Variants in PAPOLA observed in about 807,000 individuals in gnomAD.
PAPOLA encodes polynucleotide adenylyltransferase alpha.
In PAPOLA, 15 loss-of-function variants were observed where a neutral mutation model predicts 100.6. That is an observed-to-expected ratio of 0.15 (90% confidence interval 0.10 to 0.23). PAPOLA has a LOEUF of 0.23. Among genes scored for constraint, PAPOLA ranks in the 10% least tolerant of loss-of-function variants. The pLI is 1.00. For missense variants in PAPOLA, 533 were observed against 884.2 expected, an observed-to-expected ratio of 0.60 and a Z score of 5.04; for synonymous variants, 293 against 300.0, an observed-to-expected ratio of 0.98 and a Z score of 0.24.
intron 15 of PAPOLA, 126 bp downstream of exon 15, chr14:96,544,384 A>T: frequency 1.7e-6 from 1 of 600,588 alleles, no homozygotes; most frequent in East Asian, 2.8e-5. Flanking sequence ...TATCATCAGA[A>T]TAATGGTTTT....
At chr14:96,538,600 G>T (rs1275199359) in intron 12 of PAPOLA, among the ~76,000 whole-genome samples, 1 of 151,926 alleles carries the variant, frequency 6.6e-6, no homozygotes, top group Non-Finnish European at 1.5e-5. Flanking sequence ...ATTACATCAG[G>T]AAAATTTGCA....
Position 96,555,850 on chromosome 14 carries a change from A to C in PAPOLA, c.1668A>C (p.Arg556Ser). The C allele has an allele frequency of 6.6e-7, 1 of 1,513,766 alleles. No individual in the cohort carries two copies. The highest frequency in any genetic ancestry group is 8.9e-7 in the Non-Finnish European group (1 of 1,120,870). 93.8% of individuals were successfully genotyped at this position (1,513,766 alleles called of 1,614,324 possible). Residue 556 changes from arginine to serine, a missense_variant, in exon 18 of 22, where the codon AGA (arginine) becomes AGC (serine). Around this residue, in one of 9 missense-constraint regions of PAPOLA, gnomAD observed 242 missense variants for 281.0 expected, o/e 0.86. Coordinates refer to ENST00000216277, the MANE Select transcript of PAPOLA (RefSeq NM_032632.5). ...TTTTTAATTTTTTTTTTTTTAGCAG[A>C]AACAGTCCTGCTCCAGCTGTAACAG... The part of the protein sequence containing the change: ...PLNSSGSSQG[R>S]NSPAPAVTAA...
Position 96,547,783 on chromosome 14 carries a change from T to G in PAPOLA, c.1400-14T>G. 2 of 1,575,140 alleles carry G rather than the reference T, an allele frequency of 1.3e-6. No individual in the cohort carries two copies. Among genetic ancestry groups the G allele is most frequent in the Non-Finnish European group, 1.7e-6 (2 of 1,161,628 alleles). On this transcript the variant is annotated splice_polypyrimidine_tract_variant and intron_variant, in intron 15 of 21. Transcript: ENST00000216277. The stretch of plus-strand genomic sequence containing the variant: ...AATGTTTCTATTTCTTGTAACAATT[T>G]CCTAATTGTATAGTTTATAGGCAAG...
intron 12 of PAPOLA, among the ~76,000 whole-genome samples, chr14:96,540,554 A>AT (rs1428118250): frequency 2.0e-5 from 3 of 151,930 alleles, no homozygotes; most frequent in Admixed American, 2.0e-4. Flanking sequence ...AAAATACATG[A>AT]TTTTTTAATG....
At chr14:96,549,094 A>G (rs1309063079) in intron 16 of PAPOLA, among the ~76,000 whole-genome samples, 2 of 152,166 alleles carry the variant, frequency 1.3e-5, no homozygotes, top group African/African-American at 2.4e-5. Context: ...ACATAAATAC[A>G]TGTAAATGGT....
chr14:96,529,976 T>C (rs557111169), intron 6 of PAPOLA, among the ~76,000 whole-genome samples: 14 of 152,320 alleles, frequency 9.2e-5, no homozygotes, highest in Non-Finnish European at 1.8e-4. Context: ...TAAAACTCAG[T>C]TGGAAAAACA....
intron 10 of PAPOLA, chr14:96,535,257 C>T: frequency 7.5e-6 from 7 of 933,438 alleles, no homozygotes; most frequent in Non-Finnish European, 8.9e-6. Context: ...TGTTGAATTA[C>T]ATCAAGCTAT....
In PAPOLA at chr14:96,561,549, A is replaced by G. The variant is rs148853521; in HGVS notation, c.2067+838A>G. On this transcript the variant is annotated intron_variant, in intron 20 of 21. Transcript: ENST00000216277. Reference sequence around the variant, plus strand: ...TTAAGGCTATGATTATTTTTATCCAACCAATTTCCTATCCATAGCAATTAT... The same window carrying G: ...TTAAGGCTATGATTATTTTTATCCAGCCAATTTCCTATCCATAGCAATTAT... 7.2e-5 allele frequency among the ~76,000 whole-genome samples: 11 copies of G among 152,282 alleles called. No individual in the cohort carries two copies. The East Asian group carries it at 2.1e-3, about 29-fold the overall frequency.
At position 96,537,075 on chromosome 14, in the gene PAPOLA, G is replaced by C. The variant is rs1301752912; in HGVS notation, c.1115+15G>C. 7 of 1,419,434 alleles carry C rather than the reference G, an allele frequency of 4.9e-6. No homozygotes were observed. The East Asian group carries it at 9.1e-5, about 18-fold the overall frequency. 87.9% of individuals were successfully genotyped at this position (1,419,434 alleles called of 1,614,324 possible). On this transcript the variant is annotated intron_variant, in intron 12 of 21. Transcript: ENST00000216277. ...CAAAAGTACAAGTATGTATTTTAAG[G>C]CATGTCGGACATGTTGCTCTCTTAA...
At chr14:96,509,676 C>A (rs1010014617) in intron 1 of PAPOLA, among the ~76,000 whole-genome samples, 3 of 152,150 alleles carry the variant, frequency 2.0e-5, no homozygotes, top group South Asian at 4.1e-4. Context: ...AGGCTATAAA[C>A]CTGTGGCAGC....
At chr14:96,559,607 A>T (rs887303300) in intron 19 of PAPOLA, among the ~76,000 whole-genome samples, 24 of 147,562 alleles carry the variant, frequency 1.6e-4, no homozygotes, top group African/African-American at 5.7e-4. Context: ...ACACACACAC[A>T]TATATATATG....
chr14:96,510,022 A>G (rs1157647423), intron 1 of PAPOLA, among the ~76,000 whole-genome samples: 2 of 137,782 alleles, frequency 1.5e-5, no homozygotes, highest in Non-Finnish European at 3.0e-5. Context: ...TGAACTGTAT[A>G]GCAATCTCAT....
At chr14:96,541,236 CT>C (rs1389887197) in intron 12 of PAPOLA, among the ~76,000 whole-genome samples, 1 of 152,178 alleles carries the variant, frequency 6.6e-6, no homozygotes, top group African/African-American at 2.4e-5. Context: ...GGTAGTTTTT[CT>C]CTGGGTCTAG....
chr14:96,509,827 TTGAC>T (rs1896985471), intron 1 of PAPOLA, among the ~76,000 whole-genome samples: 1 of 152,246 alleles, frequency 6.6e-6, no homozygotes, highest in Admixed American at 6.5e-5. Flanking sequence ...TGGTCTGTCA[TTGAC>T]TGAAGAATTC....
intron 1 of PAPOLA, among the ~76,000 whole-genome samples, chr14:96,507,375 T>C (rs2150312): frequency 0.45 from 66,194 of 145,532 alleles, 15,751 homozygotes; most frequent in African/African-American, 0.61. Flanking sequence ...GCAAGCTCCG[T>C]CTTCCGGGTT....
Position 96,534,421 on chromosome 14 carries a change from A to G in PAPOLA, c.837-70A>G, listed in dbSNP as rs1010416027. 9 of 1,582,114 alleles carry G rather than the reference A, an allele frequency of 5.7e-6. No individual in the cohort carries two copies. In the African/African-American group the frequency reaches 6.8e-5, roughly 12 times the overall value. ...GAAGGATCACGTTCACAAATGCTGT[A>G]TGTTTAACAAAATACGTTTAGATGG... is the stretch of plus-strand genomic sequence containing the variant. On this transcript the variant is annotated intron_variant, in intron 9 of 21. Transcript: ENST00000216277.
intron 1 of PAPOLA, among the ~76,000 whole-genome samples, chr14:96,504,895 C>T (rs1273077354): frequency 2.0e-5 from 3 of 151,950 alleles, no homozygotes; most frequent in Non-Finnish European, 4.4e-5. Context: ...TTTTGGTATA[C>T]CTGTCCTAAT....
At chr14:96,509,450 A>G (rs377137229) in intron 1 of PAPOLA, among the ~76,000 whole-genome samples, 31 of 152,360 alleles carry the variant, frequency 2.0e-4, no homozygotes, top group Admixed American at 9.1e-4. Flanking sequence ...AAGTATATAA[A>G]CAAAAGTAAC....
At chr14:96,532,168 C>T in intron 7 of PAPOLA, 163 bp from the exon 8 acceptor site, 1 of 1,395,606 alleles carries the variant, frequency 7.2e-7, no homozygotes, top group Admixed American at 3.4e-5. Context: ...ATTAGCTTTA[C>T]TGGTTCTACC....
Sources: allele counts gnomAD v4.1 joint callset (sites outside exome capture counted in the v4.1 genomes callset), GRCh38; gene constraint gnomAD v4.1.1; regional missense constraint gnomAD v4.1.1; transcripts MANE v1.5; gene names NCBI Gene and HGNC (gene_info 2026-07-23, HGNC 2026-07-21).